Variants in LSAMP observed in about 807,000 individuals in gnomAD.
The protein encoded by LSAMP is limbic system-associated membrane protein.
Under a neutral mutation model 38.6 loss-of-function variants are expected in LSAMP, and 7 were observed. The observed-to-expected ratio is 0.18, with a 90% confidence interval of 0.10 to 0.34. The LOEUF (loss-of-function observed/expected upper bound fraction) is 0.34. Ranked by LOEUF, LSAMP falls within the 10% of genes least tolerant of loss-of-function variation. LSAMP has a pLI of 1.00. For synonymous variants in LSAMP, 154 were observed against 166.8 expected (o/e 0.92, Z 0.59); for missense variants, 313 against 420.0 (o/e 0.75, Z 2.23).
At chr3:115,919,340 A>G (rs930031802) in intron 3 of LSAMP, among the ~76,000 whole-genome samples, 1 of 152,184 alleles carries the variant, frequency 6.6e-6, no homozygotes, top group Admixed American at 6.5e-5. Flanking sequence ...GGAAGATTTA[A>G]TAACTAGATA....
intron 3 of LSAMP, among the ~76,000 whole-genome samples, chr3:115,891,803 C>T (rs1020297527): frequency 6.6e-6 from 1 of 151,966 alleles, no homozygotes; most frequent in African/African-American, 2.4e-5. Context: ...TCTTCCATCA[C>T]ACTTCTCCTG....
At chr3:115,878,741 C>G (rs1326959658) in intron 3 of LSAMP, among the ~76,000 whole-genome samples, 1 of 151,860 alleles carries the variant, frequency 6.6e-6, no homozygotes, top group Admixed American at 6.6e-5. Flanking sequence ...GGATTACAGG[C>G]GTGAGCCACC....
chr3:115,954,510 T>C (rs1340548617), intron 3 of LSAMP, among the ~76,000 whole-genome samples: 1 of 152,162 alleles, frequency 6.6e-6, no homozygotes, highest in African/African-American at 2.4e-5. Flanking sequence ...ACATGGCAAA[T>C]GGAAACAGAA....
At chr3:115,820,704 G>C (rs1934201850) in intron 6 of LSAMP, among the ~76,000 whole-genome samples, 1 of 152,102 alleles carries the variant, frequency 6.6e-6, no homozygotes, top group African/African-American at 2.4e-5. Flanking sequence ...ACAGAAGAAT[G>C]GTCCAGTAGA....
At chr3:115,844,341 G>A (rs1935090660) in intron 4 of LSAMP, among the ~76,000 whole-genome samples, 1 of 152,150 alleles carries the variant, frequency 6.6e-6, no homozygotes, top group Non-Finnish European at 1.5e-5. Context: ...GAAATTTGAG[G>A]TCTGATTTTG....
chr3:116,002,955 G>C (rs1259891831), intron 3 of LSAMP, among the ~76,000 whole-genome samples: 1 of 152,184 alleles, frequency 6.6e-6, no homozygotes, highest in Non-Finnish European at 1.5e-5. Context: ...AAGTGCTAGG[G>C]TGAAGGAAAG....
intron 2 of LSAMP, among the ~76,000 whole-genome samples, chr3:116,036,625 G>A (rs1462059294): frequency 6.6e-6 from 1 of 152,090 alleles, no homozygotes; most frequent in Non-Finnish European, 1.5e-5. Context: ...CACTGAGCCT[G>A]GAAATTTGGC....
chr3:116,083,620 T>C (rs1368239751), intron 2 of LSAMP, among the ~76,000 whole-genome samples: 1 of 152,156 alleles, frequency 6.6e-6, no homozygotes, highest in African/African-American at 2.4e-5. Context: ...ATTTACATAA[T>C]GATTAGTTGA....
At chr3:115,992,858 T>A (rs1055188134) in intron 3 of LSAMP, among the ~76,000 whole-genome samples, 1 of 152,098 alleles carries the variant, frequency 6.6e-6, no homozygotes, top group Non-Finnish European at 1.5e-5. Context: ...AGGGTAACAG[T>A]GGTCTCCCTT....
At chr3:115,946,015 CA>C (rs1938086334) in intron 3 of LSAMP, among the ~76,000 whole-genome samples, 1 of 152,134 alleles carries the variant, frequency 6.6e-6, no homozygotes, top group African/African-American at 2.4e-5. Context: ...ACTCTGCTTA[CA>C]TATTTAACAC....
chr3:115,810,038 C>A lies in LSAMP; in HGVS notation c.*279G>T, dbSNP rs1033947868. The stretch of plus-strand genomic sequence containing the variant: ...TGTCCTTAGTGTGGTGTAGTCTTTA[C>A]ACAGCATACATTTGCTTAGTAGATA... On this transcript the variant is annotated 3_prime_UTR_variant, in exon 7 of 7. Transcript: ENST00000490035. The A allele has an allele frequency of 3.2e-5, 11 of 341,348 alleles. No individual in the cohort carries two copies. The highest frequency in any genetic ancestry group is 1.7e-3 in the Middle Eastern group (2 of 1,160). The allele number at this position is 341,348 out of a possible 1,614,324, so 21.1% of individuals were successfully genotyped here. A position where few individuals can be genotyped will look rare whatever the true frequency, so the allele number is the denominator to read the frequency against.
At chr3:116,246,580 G>A (rs934030649) in intron 1 of LSAMP, among the ~76,000 whole-genome samples, 9 of 152,272 alleles carry the variant, frequency 5.9e-5, no homozygotes, top group African/African-American at 2.2e-4. Flanking sequence ...TGCCAAGCGT[G>A]CAGTGCCATC....
Position 116,335,158 on chromosome 3 carries a change from CAG to C in LSAMP, c.155+109717_155+109718del, listed in dbSNP as rs903749979. ...ATAAAATAAAATGCTTAGCAATTAA[CAG>C]AGTCAGTCAAAGAATATATGATGAA... On this transcript the variant is annotated intron_variant, in intron 1 of 6. Coordinates refer to ENST00000490035, the MANE Select transcript of LSAMP (RefSeq NM_002338.5). Among the ~76,000 whole-genome samples the C allele has an allele frequency of 1.4e-4, 21 of 151,880 alleles. 1 individual carries two copies. Among genetic ancestry groups the C allele is most frequent in the African/African-American group, 4.6e-4 (19 of 41,378 alleles).
At chr3:116,000,697 T>C (rs182893014) in intron 3 of LSAMP, among the ~76,000 whole-genome samples, 70 of 152,296 alleles carry the variant, frequency 4.6e-4, no homozygotes, top group African/African-American at 1.7e-3. Context: ...TAACACATGT[T>C]ATCAGGTGTT....
At chr3:115,935,891 C>T (rs933381004) in intron 3 of LSAMP, among the ~76,000 whole-genome samples, 8 of 152,196 alleles carry the variant, frequency 5.3e-5, no homozygotes, top group African/African-American at 1.9e-4. Context: ...AATCTCTTCC[C>T]TTTCCTTCCC....
chr3:116,388,971 C>T (rs1051577623), intron 1 of LSAMP, among the ~76,000 whole-genome samples: 3 of 152,042 alleles, frequency 2.0e-5, no homozygotes, highest in African/African-American at 7.3e-5. Context: ...GGAGGCCAGG[C>T]CAGAGAAAGA....
At chr3:116,309,311 C>G (rs1035477029) in intron 1 of LSAMP, among the ~76,000 whole-genome samples, 13 of 152,050 alleles carry the variant, frequency 8.5e-5, no homozygotes, top group Non-Finnish European at 1.5e-5. Context: ...TTAAGAATTA[C>G]TTTCTAACCT....
chr3:115,908,483 T>C (rs1937063514), intron 3 of LSAMP, among the ~76,000 whole-genome samples: 2 of 152,096 alleles, frequency 1.3e-5, no homozygotes, highest in Admixed American at 1.3e-4. Context: ...GACCCTACCT[T>C]GGTATTCAGC....
chr3:116,179,836 C>G lies in LSAMP; in HGVS notation c.156-93280G>C, dbSNP rs138788124. On this transcript the variant is annotated intron_variant, in intron 1 of 6. Coordinates refer to ENST00000490035, the MANE Select transcript of LSAMP (RefSeq NM_002338.5). ...CCATATCAGTGAGTATGTTAACAGT[C>G]CCCAAGAATATTAATGTCAGAAAAT... Among the ~76,000 whole-genome samples the G allele has an allele frequency of 1.9e-3, 283 of 152,208 alleles. 6 individuals are homozygous for G. Among genetic ancestry groups the G allele is most frequent in the Admixed American group, 0.013 (199 of 15,292 alleles).
Sources: gnomAD v4.1 joint callset for allele counts (sites outside exome capture counted in the v4.1 genomes callset) on GRCh38, gnomAD v4.1.1 for gene constraint, MANE v1.5 for transcripts, NCBI Gene and HGNC (gene_info 2026-07-23, HGNC 2026-07-21) for gene names.